PARD3B: variants seen among roughly 807,000 people sequenced by gnomAD.
PARD3B encodes par-3 family cell polarity regulator beta, also known as partitioning defective 3 homolog B.
Under a neutral mutation model 130.2 loss-of-function variants are expected in PARD3B, and 103 were observed. The observed-to-expected ratio is 0.79, with a 90% CI of 0.67 to 0.93. The LOEUF (loss-of-function observed/expected upper bound fraction) is 0.93, where lower values mean the gene tolerates loss of function less well. PARD3B is among the 40% of genes least tolerant of loss of function. The probability of loss-of-function intolerance (pLI) is 0.00; values close to 1 mark genes in which losing one functional copy is unlikely to be tolerated. For synonymous variants in PARD3B, 583 were observed against 553.2 expected (o/e 1.05, Z -0.76); for missense variants, 1,609 against 1,499.2 (o/e 1.07, Z -1.21).
intron 1 of PARD3B, among the ~76,000 whole-genome samples, chr2:204,646,584 G>A (rs2035281609): frequency 6.6e-6 from 1 of 151,986 alleles, no homozygotes; most frequent in African/African-American, 2.4e-5. Flanking sequence ...GGGTTGTGAT[G>A]AATATTCTGA....
intron 20 of PARD3B, among the ~76,000 whole-genome samples, chr2:205,490,402 T>C (rs995303507): frequency 6.6e-6 from 1 of 152,140 alleles, no homozygotes; most frequent in Non-Finnish European, 1.5e-5. Context: ...CTGAGAATTA[T>C]GGTTTCCAGC....
At chr2:204,554,863 G>A (rs1340164037) in intron 1 of PARD3B, among the ~76,000 whole-genome samples, 1 of 152,176 alleles carries the variant, frequency 6.6e-6, no homozygotes, top group Non-Finnish European at 1.5e-5. Flanking sequence ...CCCTGCTTGC[G>A]AAGCGGGGCC....
intron 10 of PARD3B, among the ~76,000 whole-genome samples, chr2:205,155,929 T>C (rs1190041443): frequency 6.6e-6 from 1 of 152,198 alleles, no homozygotes; most frequent in Non-Finnish European, 1.5e-5. Flanking sequence ...CCCAAAGGAC[T>C]ATAAATCATG....
rs1026024509 is a variant in PARD3B at position 204,799,648 on chromosome 2, C to T, written c.222+113366C>T. Among the ~76,000 whole-genome samples the T allele has an allele frequency of 6.6e-6, 1 of 152,196 alleles. No homozygotes were observed. The highest frequency in any genetic ancestry group is 2.4e-5 in the African/African-American group (1 of 41,452). On this transcript the variant is annotated intron_variant, in intron 2 of 22. Transcript: ENST00000406610. The surrounding 1 kb of genome is among the most constrained non-coding windows in gnomAD (Gnocchi z 4.1). ...GTGTGCTCATGTTATCCCTCTCCAG[C>T]TCCAGGCAGCTCAGCACAGAGAAAG...
At chr2:205,488,526 C>T (rs1271975870) in intron 20 of PARD3B, among the ~76,000 whole-genome samples, 1 of 152,142 alleles carries the variant, frequency 6.6e-6, no homozygotes, top group Non-Finnish European at 1.5e-5. Flanking sequence ...CTATATTGGA[C>T]TCTGCCTATG....
At chr2:204,915,766 G>A (rs1387622586) in intron 2 of PARD3B, among the ~76,000 whole-genome samples, 10 of 152,060 alleles carry the variant, frequency 6.6e-5, no homozygotes, top group African/African-American at 2.2e-4. Flanking sequence ...ATTAATACTC[G>A]AGGCACCCTG....
In PARD3B at chr2:204,850,510, A is replaced by G. The variant is rs570651636; in HGVS notation, c.223-114642A>G. ...TATATATAGATATATGTATATATAT[A>G]TGTGTGTGATTGATGGGGTGAGAGT... On this transcript the variant is annotated intron_variant, in intron 2 of 22. Coordinates refer to ENST00000406610, the MANE Select transcript of PARD3B (RefSeq NM_001302769.2). 4.1e-4 allele frequency among the ~76,000 whole-genome samples: 63 copies of G among 152,018 alleles called. No individual in the cohort carries two copies. In the East Asian group the frequency reaches 8.3e-3, roughly 20 times the overall value.
intron 20 of PARD3B, among the ~76,000 whole-genome samples, chr2:205,454,847 C>T (rs1265103046): frequency 6.6e-6 from 1 of 152,114 alleles, no homozygotes; most frequent in African/African-American, 2.4e-5. Context: ...ACACCAAGAG[C>T]TTAAGGTGTA....
chr2:205,185,037 A>T (rs903439300), intron 13 of PARD3B, among the ~76,000 whole-genome samples: 8 of 152,178 alleles, frequency 5.3e-5, no homozygotes, highest in African/African-American at 1.9e-4. Context: ...TACAAGGCTT[A>T]ATATAATGTC....
chr2:204,624,598 G>T (rs187938291), intron 1 of PARD3B, among the ~76,000 whole-genome samples: 2 of 152,204 alleles, frequency 1.3e-5, no homozygotes, highest in Admixed American at 1.3e-4. Flanking sequence ...CCATGGTGTG[G>T]ATATACTCTA....
chr2:204,919,459 T>C (rs1314939589), intron 2 of PARD3B, among the ~76,000 whole-genome samples: 1 of 152,176 alleles, frequency 6.6e-6, no homozygotes, highest in Non-Finnish European at 1.5e-5. Context: ...TACCATAAAT[T>C]GGTTTTGCCT....
chr2:205,304,105 T>C (rs959839829), intron 18 of PARD3B, among the ~76,000 whole-genome samples: 2 of 152,162 alleles, frequency 1.3e-5, no homozygotes, highest in Non-Finnish European at 2.9e-5. Flanking sequence ...GAAAAGAAAG[T>C]TCCATCATTC....
At chr2:205,492,234 A>T (rs930242082) in intron 20 of PARD3B, among the ~76,000 whole-genome samples, 8 of 152,192 alleles carry the variant, frequency 5.3e-5, no homozygotes, top group African/African-American at 1.9e-4. Flanking sequence ...TGTCAGAGAT[A>T]ATGGACAGAA....
chr2:205,197,032 G>GGGGGGT (rs1553636919), intron 15 of PARD3B, among the ~76,000 whole-genome samples: 9 of 55,234 alleles, frequency 1.6e-4, no homozygotes, highest in East Asian at 6.6e-4. Context: ...GTGGGGGGGG[G>GGGGGGT]GTGTGTGTGT....
chr2:205,172,936 T>G (rs2035256620), intron 12 of PARD3B, among the ~76,000 whole-genome samples: 1 of 152,110 alleles, frequency 6.6e-6, no homozygotes, highest in African/African-American at 2.4e-5. Context: ...TATTTTCACT[T>G]ACACATGGAG....
At chr2:205,155,721 T>C (rs1197003653) in intron 10 of PARD3B, among the ~76,000 whole-genome samples, 1 of 152,186 alleles carries the variant, frequency 6.6e-6, no homozygotes, top group Non-Finnish European at 1.5e-5. Flanking sequence ...GTTTCCTGAC[T>C]TTTTAATGAT....
rs2033743057 is a variant in PARD3B, at chr2:204,606,892, A to G, written c.120+60773A>G. The stretch of plus-strand genomic sequence containing the variant: ...TTTGTGTGTGTGGTTTTTCTGGGAA[A>G]TATTAAAGCCTTGAACAATCCCGTA... On this transcript the variant is annotated intron_variant, in intron 1 of 22. Coordinates refer to ENST00000406610, the MANE Select transcript of PARD3B (RefSeq NM_001302769.2). The surrounding 1 kb of genome is among the most constrained non-coding windows in gnomAD (Gnocchi z 4.0). Among the ~76,000 whole-genome samples, 1 of 152,172 alleles carries G rather than the reference A, an allele frequency of 6.6e-6. No individual in the cohort carries two copies. The highest frequency in any genetic ancestry group is 2.1e-4 in the South Asian group (1 of 4,830).
intron 18 of PARD3B, among the ~76,000 whole-genome samples, chr2:205,320,852 C>T (rs1053466695): frequency 6.6e-6 from 1 of 152,118 alleles, no homozygotes; most frequent in African/African-American, 2.4e-5. Context: ...ATAACTTGTT[C>T]CTTTATTTTG....
intron 21 of PARD3B, among the ~76,000 whole-genome samples, chr2:205,527,260 G>C (rs959865906): frequency 1.3e-5 from 2 of 152,062 alleles, no homozygotes; most frequent in Admixed American, 6.5e-5. Context: ...AGGGAGTGTG[G>C]GTTAGCACAA....
Sources: gnomAD v4.1 joint callset for allele counts (sites outside exome capture counted in the v4.1 genomes callset) on GRCh38, gnomAD v4.1.1 for gene constraint, Gnocchi (gnomAD v3.1) non-coding constraint, MANE v1.5 for transcripts, NCBI Gene and HGNC (gene_info 2026-07-23, HGNC 2026-07-21) for gene names.